MSRB2: variants seen among roughly 807,000 people sequenced by gnomAD.
The protein encoded by MSRB2 is methionine sulfoxide reductase B2, also known as methionine-R-sulfoxide reductase B2, mitochondrial.
Under a neutral mutation model 19.0 loss-of-function variants are expected in MSRB2, and 17 were observed. That is an observed-to-expected ratio of 0.89 (90% CI 0.61 to 1.34). The LOEUF (loss-of-function observed/expected upper bound fraction) is 1.34, where lower values mean the gene tolerates loss of function less well. Among genes scored for constraint, MSRB2 ranks in the 40% most tolerant of loss-of-function variants. The pLI, the probability that MSRB2 is intolerant of heterozygous loss-of-function variation, is 0.00. For missense variants in MSRB2, 208 were observed against 237.6 expected (o/e 0.88, Z 0.82); for synonymous variants, 107 against 99.7 (o/e 1.07, Z -0.44).
chr10:23,109,137 C>T (rs1013060005), intron 2 of MSRB2, among the ~76,000 whole-genome samples: 2 of 152,172 alleles, frequency 1.3e-5, no homozygotes, highest in African/African-American at 4.8e-5. Flanking sequence ...GGGGACAGTG[C>T]CTGCCGCCAG....
Position 23,111,863 on chromosome 10 carries a change from CTTAAA to C in MSRB2, c.296+1548_296+1552del, listed in dbSNP as rs66536331. Among the ~76,000 whole-genome samples the C allele has an allele frequency of 1.5e-3, 10 of 6,698 alleles. 1 individual carries two copies. Among genetic ancestry groups the C allele is most frequent in the Non-Finnish European group, 2.5e-3 (4 of 1,572 alleles). The allele number at this position is 6,698 out of a possible 152,430, so 4.4% of individuals were successfully genotyped here. ...TAAATTTAATTTTAATTAATTTAAA[CTTAAA>C]TTTAATTTTAATTAATTTAAACTTA... On this transcript the variant is annotated intron_variant, in intron 3 of 4. Coordinates refer to ENST00000376510, the MANE Select transcript of MSRB2 (RefSeq NM_012228.4).
At position 23,095,604 on chromosome 10, in the gene MSRB2, G is replaced by A. The variant is rs1343872595; in HGVS notation, c.-5G>A. ...AGAGGGCGGAGCGGCGCCGGAGCGGGCGTCATGGCGCGGCTCCTCTGGTTG... is the reference window on the plus strand; with the variant it reads ...AGAGGGCGGAGCGGCGCCGGAGCGGACGTCATGGCGCGGCTCCTCTGGTTG... On this transcript the variant is annotated 5_prime_UTR_variant, in exon 1 of 5. Transcript: ENST00000376510. The A allele has an allele frequency of 8.8e-6, 13 of 1,479,126 alleles. No individual in the cohort carries two copies. Among genetic ancestry groups the A allele is most frequent in the Non-Finnish European group, 1.1e-5 (12 of 1,120,898 alleles). 91.6% of individuals were successfully genotyped at this position (1,479,126 alleles called of 1,614,324 possible). A position where few individuals can be genotyped will look rare whatever the true frequency, so the allele number is the denominator to read the frequency against.
At position 23,120,799 on chromosome 10, in the gene MSRB2, G is replaced by T. The variant is rs562845463; in HGVS notation, c.486G>T (p.Gly162=). The T allele has an allele frequency of 6.2e-7, 1 of 1,613,996 alleles. No individual in the cohort carries two copies. Among genetic ancestry groups the T allele is most frequent in the African/African-American group, 1.3e-5 (1 of 74,884 alleles). ...GTCACGTGTTTCCTGATGGACCTGG[G>T]CCCAATGGTCAGAGGTTTTGCATCA... The part of the protein sequence containing the change: ...HLGHVFPDGP[G]PNGQRFCINS... Residue 162 remains glycine, a synonymous_variant, in exon 5 of 5, where the codon GGG becomes GGT. Coordinates refer to ENST00000376510, the MANE Select transcript of MSRB2 (RefSeq NM_012228.4).
chr10:23,099,655 G>A (rs116621846), intron 1 of MSRB2, among the ~76,000 whole-genome samples: 20 of 152,176 alleles, frequency 1.3e-4, no homozygotes, highest in African/African-American at 4.1e-4. Context: ...GGCATTCAAG[G>A]CTGTAGTGTA....
rs1388528449 is a variant in MSRB2 at position 23,121,487 on chromosome 10, T to G, written c.*625T>G. The G allele has an allele frequency of 6.6e-6, 1 of 152,196 alleles. No individual in the cohort carries two copies. Among genetic ancestry groups the G allele is most frequent in the Non-Finnish European group, 1.5e-5 (1 of 68,080 alleles). 9.4% of individuals were successfully genotyped at this position (152,196 alleles called of 1,614,324 possible). A position where few individuals can be genotyped will look rare whatever the true frequency, so the allele number is the denominator to read the frequency against. On this transcript the variant is annotated 3_prime_UTR_variant, in exon 5 of 5. Coordinates refer to ENST00000376510, the MANE Select transcript of MSRB2 (RefSeq NM_012228.4). ...AGGAATTATACTTCAACATAAGATT[T>G]GGAGAGGGAAAACATCCAAACCATA...
chr10:23,117,372 CAT>C (rs946332012), intron 3 of MSRB2, among the ~76,000 whole-genome samples: 10 of 152,144 alleles, frequency 6.6e-5, no homozygotes, highest in Non-Finnish European at 1.2e-4. Flanking sequence ...ATCAAAACAA[CAT>C]AGCAACAGAC....
chr10:23,104,750 G>C lies in MSRB2; in HGVS notation c.219+506G>C, dbSNP rs569604271. On this transcript the variant is annotated intron_variant, in intron 2 of 4. Transcript: ENST00000376510. ...ATCCAGCCATCTTCCCTCTTGACAC[G>C]GTACTTTGGCCACACCACCCTTGAG... Among the ~76,000 whole-genome samples the C allele has an allele frequency of 9.9e-5, 15 of 152,114 alleles. No individual in the cohort carries two copies. The South Asian group carries it at 3.1e-3, about 32-fold the overall frequency.
intron 2 of MSRB2, among the ~76,000 whole-genome samples, chr10:23,105,212 C>CTGTGTGTGTGTGTGTGTGTG (rs36039793): frequency 3.4e-5 from 5 of 147,074 alleles, no homozygotes; most frequent in African/African-American, 1.3e-4. Flanking sequence ...CTCTGTGTGT[C>CTGTGTGTGTGTGTGTGTGTG]TGTGTGTGTG....
chr10:23,099,050 G>T (rs1588966749), intron 1 of MSRB2, among the ~76,000 whole-genome samples: 1 of 152,266 alleles, frequency 6.6e-6, no homozygotes, highest in East Asian at 1.9e-4. Context: ...TATTGGACCA[G>T]GGCCCCCTCT....
intron 1 of MSRB2, among the ~76,000 whole-genome samples, chr10:23,102,973 A>G (rs1839941497): frequency 6.6e-6 from 1 of 152,086 alleles, no homozygotes; most frequent in South Asian, 2.1e-4. Context: ...GCAAAAAGAA[A>G]CCCCTGTAGT....
At chr10:23,095,860 C>CT (rs1839856592) in intron 1 of MSRB2, 134 bp downstream of exon 1, 4 of 357,714 alleles carry the variant, frequency 1.1e-5, no homozygotes, top group Non-Finnish European at 8.6e-6. Flanking sequence ...CGCGCCCCTC[C>CT]CCCCCCCCAG....
chr10:23,105,768 C>T (rs1015657755), intron 2 of MSRB2, among the ~76,000 whole-genome samples: 1 of 152,200 alleles, frequency 6.6e-6, no homozygotes. Context: ...TCACTACCCA[C>T]ATGCACTGCC....
chr10:23,115,455 G>A (rs890367413), intron 3 of MSRB2, among the ~76,000 whole-genome samples: 3 of 152,174 alleles, frequency 2.0e-5, no homozygotes, highest in African/African-American at 4.8e-5. Context: ...AAAACCTTCT[G>A]TATGCCCCAT....
chr10:23,114,520 C>G (rs780070969), intron 3 of MSRB2, among the ~76,000 whole-genome samples: 2 of 152,130 alleles, frequency 1.3e-5, no homozygotes, highest in Non-Finnish European at 2.9e-5. Flanking sequence ...GATGTGAAAA[C>G]TGAGGCTTAA....
At chr10:23,111,822 T>G (rs1182723855) in intron 3 of MSRB2, among the ~76,000 whole-genome samples, 1 of 146,704 alleles carries the variant, frequency 6.8e-6, no homozygotes, top group Admixed American at 6.8e-5. Context: ...AAATTTAATT[T>G]TAATTAATTT....
intron 1 of MSRB2, among the ~76,000 whole-genome samples, chr10:23,097,184 C>T (rs1487705858): frequency 6.6e-6 from 1 of 152,006 alleles, no homozygotes; most frequent in Admixed American, 6.6e-5. Context: ...AAATTCAATC[C>T]AACAAACTGT....
At chr10:23,106,545 T>G (rs1044205512) in intron 2 of MSRB2, among the ~76,000 whole-genome samples, 8 of 152,164 alleles carry the variant, frequency 5.3e-5, no homozygotes, top group Admixed American at 5.2e-4. Flanking sequence ...TTCCCCCAGC[T>G]ATTGATTCAG....
At chr10:23,100,996 T>C (rs1351743859) in intron 1 of MSRB2, among the ~76,000 whole-genome samples, 2 of 152,118 alleles carry the variant, frequency 1.3e-5, no homozygotes. Flanking sequence ...TTTTTTGTTT[T>C]GTTTTGTTTT....
chr10:23,105,078 G>A (rs951625039), intron 2 of MSRB2, among the ~76,000 whole-genome samples: 3 of 152,190 alleles, frequency 2.0e-5, no homozygotes, highest in Non-Finnish European at 2.9e-5. Context: ...TGCCGGGTAA[G>A]AGGTGGAAAC....
Sources: allele counts gnomAD v4.1 joint callset (sites outside exome capture counted in the v4.1 genomes callset), GRCh38; gene constraint gnomAD v4.1.1; transcripts MANE v1.5; gene names NCBI Gene and HGNC (gene_info 2026-07-23, HGNC 2026-07-21).